CDH13: variants seen among roughly 807,000 people sequenced by gnomAD.
CDH13 encodes the protein cadherin-13.
In CDH13, 24 loss-of-function variants were observed where a neutral mutation model predicts 63.8. The observed-to-expected ratio is 0.38, with a 90% confidence interval of 0.27 to 0.53. The LOEUF (loss-of-function observed/expected upper bound fraction) is 0.53. Among genes scored for constraint, CDH13 ranks in the 20% least tolerant of loss-of-function variants. The probability of loss-of-function intolerance (pLI) is 0.85; values close to 1 mark genes in which losing one functional copy is unlikely to be tolerated. For missense variants in CDH13, 1,049 were observed against 903.1 expected, an observed-to-expected ratio of 1.16 and a Z score of -2.07; for synonymous variants, 503 against 355.3, an observed-to-expected ratio of 1.42 and a Z score of -4.67.
chr16:83,702,117 G>C (rs1338712648), intron 10 of CDH13, among the ~76,000 whole-genome samples: 1 of 152,112 alleles, frequency 6.6e-6, no homozygotes, highest in Non-Finnish European at 1.5e-5. Flanking sequence ...AATATACCTT[G>C]TGCTAAGAAC....
intron 6 of CDH13, among the ~76,000 whole-genome samples, chr16:83,483,942 G>T (rs1258190637): frequency 6.6e-6 from 1 of 152,130 alleles, no homozygotes; most frequent in African/African-American, 2.4e-5. Context: ...AGACAGGGGG[G>T]CTGCATGGGC....
At chr16:83,265,727 CTTTTT>C (rs71272416) in intron 5 of CDH13, among the ~76,000 whole-genome samples, 2 of 42,568 alleles carry the variant, frequency 4.7e-5, no homozygotes, top group Admixed American at 2.7e-4. Context: ...TAAATTTCTG[CTTTTT>C]TTTTTTTTTT....
chr16:83,671,490 C>T (rs1455078254), intron 9 of CDH13, among the ~76,000 whole-genome samples: 1 of 152,180 alleles, frequency 6.6e-6, no homozygotes, highest in Non-Finnish European at 1.5e-5. Flanking sequence ...CTCAAGTGAT[C>T]CACCTGCCCT....
intron 6 of CDH13, among the ~76,000 whole-genome samples, chr16:83,436,046 C>G (rs758497286): frequency 9.2e-5 from 14 of 152,128 alleles, no homozygotes; most frequent in Non-Finnish European, 1.8e-4. Flanking sequence ...AGTGGCGTCT[C>G]GCAGGTCAAG....
At chr16:83,702,944 T>A (rs1199305159) in intron 10 of CDH13, among the ~76,000 whole-genome samples, 3 of 152,198 alleles carry the variant, frequency 2.0e-5, no homozygotes, top group African/African-American at 7.2e-5. Context: ...GGGGCAGGGA[T>A]GAGCCAGGGC....
At chr16:83,645,513 C>T (rs1911703704) in intron 8 of CDH13, among the ~76,000 whole-genome samples, 1 of 147,062 alleles carries the variant, frequency 6.8e-6, no homozygotes, top group Non-Finnish European at 1.5e-5. Flanking sequence ...AGACAATATA[C>T]CCATATAACA....
At chr16:83,038,532 A>G (rs1380793910) in intron 3 of CDH13, among the ~76,000 whole-genome samples, 1 of 152,206 alleles carries the variant, frequency 6.6e-6, no homozygotes, top group Non-Finnish European at 1.5e-5. Context: ...GTGGAAGGTC[A>G]TGATGAACTT....
chr16:83,523,080 A>C (rs891883585), intron 7 of CDH13, among the ~76,000 whole-genome samples: 1 of 152,016 alleles, frequency 6.6e-6, no homozygotes, highest in East Asian at 1.9e-4. Flanking sequence ...CGGCCTCCCT[A>C]TTCCACCCTC....
intron 5 of CDH13, among the ~76,000 whole-genome samples, chr16:83,279,375 C>T (rs1160022063): frequency 1.3e-5 from 2 of 152,186 alleles, no homozygotes; most frequent in East Asian, 1.9e-4. Context: ...TGCCGAGGGG[C>T]TCCTGGATGC....
chr16:83,365,838 G>A (rs1335667368), intron 6 of CDH13, among the ~76,000 whole-genome samples: 4 of 152,128 alleles, frequency 2.6e-5, no homozygotes, highest in Non-Finnish European at 5.9e-5. Flanking sequence ...GGGCTGCATG[G>A]GAAGTGTGAG....
intron 2 of CDH13, among the ~76,000 whole-genome samples, chr16:83,007,498 G>C (rs1913652960): frequency 6.6e-6 from 1 of 152,100 alleles, no homozygotes; most frequent in Non-Finnish European, 1.5e-5. Context: ...TTGCTTTCAT[G>C]ATAAATTTCC....
At chr16:83,308,262 G>A (rs915365636) in intron 5 of CDH13, among the ~76,000 whole-genome samples, 8 of 152,006 alleles carry the variant, frequency 5.3e-5, no homozygotes, top group Non-Finnish European at 1.0e-4. Flanking sequence ...TTTGTGCTTT[G>A]CTCAAAGCCA....
chr16:82,973,278 C>A (rs1376509149), intron 2 of CDH13, among the ~76,000 whole-genome samples: 1 of 152,154 alleles, frequency 6.6e-6, no homozygotes, highest in Non-Finnish European at 1.5e-5. Flanking sequence ...GGTCTGCATC[C>A]CTCCTCTTTG....
chr16:83,686,448 T>A (rs1390556409), intron 10 of CDH13, among the ~76,000 whole-genome samples: 1 of 152,220 alleles, frequency 6.6e-6, no homozygotes, highest in African/African-American at 2.4e-5. Context: ...CATAGTCTAT[T>A]GACTCCAAAA....
intron 6 of CDH13, 141 bp from the exon 7 acceptor site, chr16:83,486,336 A>G: frequency 1.7e-6 from 1 of 594,416 alleles, no homozygotes; most frequent in Non-Finnish European, 2.8e-6. Context: ...AAACATAGCA[A>G]AGCTTGGGAA....
intron 7 of CDH13, among the ~76,000 whole-genome samples, chr16:83,501,195 C>G (rs1207062253): frequency 6.6e-6 from 1 of 152,190 alleles, no homozygotes; most frequent in African/African-American, 2.4e-5. Flanking sequence ...TTATATGTTT[C>G]TAAGACAGCC....
intron 7 of CDH13, among the ~76,000 whole-genome samples, chr16:83,504,813 G>T (rs2074360234): frequency 6.6e-6 from 1 of 152,140 alleles, no homozygotes; most frequent in African/African-American, 2.4e-5. Context: ...AATAACATTT[G>T]TTTATAGTTG....
chr16:82,786,815 C>G (rs1443128918), intron 1 of CDH13, among the ~76,000 whole-genome samples: 1 of 152,072 alleles, frequency 6.6e-6, no homozygotes, highest in Non-Finnish European at 1.5e-5. Flanking sequence ...TCATTCATGT[C>G]CCTACAAAGG....
At chr16:83,790,501 G>A (rs764131880) in intron 13 of CDH13, among the ~76,000 whole-genome samples, 1 of 152,098 alleles carries the variant, frequency 6.6e-6, no homozygotes, top group Non-Finnish European at 1.5e-5. Context: ...CCGGATTCAC[G>A]CCATTCTCCT....
Sources: allele counts gnomAD v4.1 joint callset (sites outside exome capture counted in the v4.1 genomes callset), GRCh38; gene constraint gnomAD v4.1.1; transcripts MANE v1.5; gene names NCBI Gene and HGNC (gene_info 2026-07-23, HGNC 2026-07-21).